Variants in FRMD7 observed in about 807,000 individuals in gnomAD.
FRMD7 encodes the protein FERM domain containing 7, also known as FERM domain-containing protein 7.
Under a neutral mutation model 44.1 loss-of-function variants are expected in FRMD7, and 14 were observed. The ratio of observed to expected loss-of-function variants is 0.32; its 90% CI spans 0.21 to 0.50. The LOEUF (loss-of-function observed/expected upper bound fraction) is 0.50. FRMD7 is among the 20% of genes least tolerant of loss of function. The probability of loss-of-function intolerance (pLI) is 0.99; values close to 1 mark genes in which losing one functional copy is unlikely to be tolerated. For missense variants in FRMD7, 501 were observed against 522.3 expected (o/e 0.96, Z 0.40); for synonymous variants, 212 against 187.4 (o/e 1.13, Z -1.07).
intron 1 of FRMD7, among the ~76,000 whole-genome samples, chrX:132,119,715 A>G (rs1165607070): frequency 3.6e-5 from 4 of 111,404 alleles, no homozygotes; most frequent in African/African-American, 1.3e-4. Flanking sequence ...CAGGCAAGCT[A>G]TATACATCAG....
intron 1 of FRMD7, among the ~76,000 whole-genome samples, chrX:132,126,578 A>G (rs1165353834): frequency 8.9e-6 from 1 of 111,985 alleles, no homozygotes; most frequent in Non-Finnish European, 1.9e-5. Flanking sequence ...ATATCTATTA[A>G]AAACTTAGCC....
chrX:132,104,417 G>A (rs1396481670), intron 1 of FRMD7, among the ~76,000 whole-genome samples: 1 of 111,768 alleles, frequency 8.9e-6, no homozygotes, highest in Non-Finnish European at 1.9e-5. Flanking sequence ...TGCGGGCTGG[G>A]CGCTGTGGCT....
chrX:132,125,249 G>C (rs912407083), intron 1 of FRMD7, among the ~76,000 whole-genome samples: 1 of 111,598 alleles, frequency 9.0e-6, no homozygotes, highest in African/African-American at 3.3e-5. Context: ...GTGGAGAAAG[G>C]GTTCTGGATG....
intron 1 of FRMD7, among the ~76,000 whole-genome samples, chrX:132,118,076 T>C (rs2124018078): frequency 9.0e-6 from 1 of 111,472 alleles, no homozygotes; most frequent in East Asian, 2.8e-4. Context: ...GCAGTGGTAG[T>C]TCTTGCTTGG....
At chrX:132,121,299 A>G (rs1929028546) in intron 1 of FRMD7, among the ~76,000 whole-genome samples, 1 of 111,748 alleles carries the variant, frequency 8.9e-6, no homozygotes, top group African/African-American at 3.3e-5. Flanking sequence ...CTGTTAACTT[A>G]AATAGCCATA....
At chrX:132,096,034 TG>T (rs144371916) in intron 4 of FRMD7, among the ~76,000 whole-genome samples, 1 of 110,127 alleles carries the variant, frequency 9.1e-6, no homozygotes, top group Non-Finnish European at 1.9e-5. Flanking sequence ...TTTTTGGAGG[TG>T]GGGGGAGTTT....
chrX:132,122,522 G>T (rs1474203869), intron 1 of FRMD7, among the ~76,000 whole-genome samples: 1 of 112,356 alleles, frequency 8.9e-6, no homozygotes, highest in Non-Finnish European at 1.9e-5. Flanking sequence ...AGGTCATTTA[G>T]ATCCTTTCTC....
chrX:132,081,610 A>G (rs1475663347), intron 9 of FRMD7, among the ~76,000 whole-genome samples: 1 of 112,476 alleles, frequency 8.9e-6, no homozygotes, highest in Non-Finnish European at 1.9e-5. Flanking sequence ...GAAATATGTA[A>G]GTTTTAACAG....
chrX:132,083,516 C>G (rs1927888958), intron 8 of FRMD7, among the ~76,000 whole-genome samples: 1 of 111,401 alleles, frequency 9.0e-6, no homozygotes, highest in Admixed American at 9.6e-5. Context: ...CTGGGGCTCT[C>G]CATGAGCTTC....
intron 11 of FRMD7, 64 bp downstream of exon 11, chrX:132,079,942 G>A: frequency 1.3e-6 from 1 of 761,343 alleles, no homozygotes; most frequent in African/African-American, 2.0e-5. Flanking sequence ...TCAATTCATG[G>A]AAGCATTTGA....
At chrX:132,117,870 A>G (rs1365679330) in intron 1 of FRMD7, among the ~76,000 whole-genome samples, 1 of 112,505 alleles carries the variant, frequency 8.9e-6, no homozygotes. Context: ...ATGTACATGT[A>G]TCTTTACATA....
chrX:132,080,125 G>T, intron 10 of FRMD7, 44 bp from the exon 11 acceptor site: 1 of 1,109,229 alleles, frequency 9.0e-7, no homozygotes, highest in Non-Finnish European at 1.2e-6. Context: ...ACCTTCATGT[G>T]AATACCAGGA....
chrX:132,103,971 AAG>A (rs1028262647), intron 1 of FRMD7, among the ~76,000 whole-genome samples: 4 of 112,391 alleles, frequency 3.6e-5, no homozygotes, highest in African/African-American at 1.3e-4. Context: ...TAGTCCTCTT[AAG>A]AGAGAGACAA....
chrX:132,077,725 A>G lies in FRMD7; in HGVS notation c.*147T>C. ...ACTCAAGGAATGAGGCAACAGCTGG[A>G]TCTTTCATAAGGCAGGCATCCAAAA... On this transcript the variant is annotated 3_prime_UTR_variant, in exon 12 of 12. Coordinates refer to ENST00000298542, the MANE Select transcript of FRMD7 (RefSeq NM_194277.3). 1.2e-6 allele frequency: 1 copy of G among 824,655 alleles called. No individual in the cohort carries two copies. The highest frequency in any genetic ancestry group is 1.7e-6 in the Non-Finnish European group (1 of 580,538). The allele number at this position is 824,655 out of a possible 1,213,427, so 68.0% of individuals were successfully genotyped here. A position where few individuals can be genotyped will look rare whatever the true frequency, so the allele number is the denominator to read the frequency against.
intron 4 of FRMD7, among the ~76,000 whole-genome samples, chrX:132,095,981 C>G (rs1172366940): frequency 8.9e-6 from 1 of 112,205 alleles, no homozygotes; most frequent in Admixed American, 9.4e-5. Flanking sequence ...CTCTGAACAG[C>G]TGATGAATCA....
chrX:132,095,859 G>A (rs1187148261), intron 4 of FRMD7, among the ~76,000 whole-genome samples: 2 of 112,324 alleles, frequency 1.8e-5, no homozygotes, highest in Non-Finnish European at 3.8e-5. Flanking sequence ...AGTTGCTAAA[G>A]GAAAGGTGAA....
chrX:132,104,725 A>G (rs1332860718), intron 1 of FRMD7, among the ~76,000 whole-genome samples: 1 of 111,408 alleles, frequency 9.0e-6, no homozygotes, highest in Non-Finnish European at 1.9e-5. Flanking sequence ...CAAACAAACA[A>G]ACAAAAAATT....
At chrX:132,117,725 T>A (rs182645469) in intron 1 of FRMD7, among the ~76,000 whole-genome samples, 3,672 of 111,717 alleles carry the variant, frequency 0.033, 62 homozygotes, top group Non-Finnish European at 0.054. Context: ...CCAACTTTTT[T>A]AAAAAAATGT....
chrX:132,089,414 G>C (rs1164134768), intron 5 of FRMD7, among the ~76,000 whole-genome samples: 1 of 111,524 alleles, frequency 9.0e-6, no homozygotes, highest in Non-Finnish European at 1.9e-5. Context: ...AGTTCTAGGA[G>C]AAAATCTTTT....
Sources: gnomAD v4.1 joint callset for allele counts (sites outside exome capture counted in the v4.1 genomes callset) on GRCh38, gnomAD v4.1.1 for gene constraint, MANE v1.5 for transcripts, NCBI Gene and HGNC (gene_info 2026-07-23, HGNC 2026-07-21) for gene names.